The following HSD17B3 variants were observed in gnomAD, a reference collection of about 807,000 sequenced individuals.
The protein encoded by HSD17B3 is hydroxysteroid 17-beta dehydrogenase 3.
In HSD17B3, 29 loss-of-function variants were observed where a neutral mutation model predicts 41.1. The observed-to-expected ratio is 0.71, with a 90% confidence interval of 0.53 to 0.96. The LOEUF (loss-of-function observed/expected upper bound fraction) is 0.96, where lower values mean the gene tolerates loss of function less well. Among genes scored for constraint, HSD17B3 ranks in the 40% least tolerant of loss-of-function variants. The probability of loss-of-function intolerance (pLI) is 0.00; values close to 1 mark genes in which losing one functional copy is unlikely to be tolerated. For synonymous variants in HSD17B3, 126 were observed against 145.6 expected, an observed-to-expected ratio of 0.87 and a Z score of 0.97; for missense variants, 323 against 374.6, an observed-to-expected ratio of 0.86 and a Z score of 1.14.
intron 10 of HSD17B3, among the ~76,000 whole-genome samples, chr9:96,238,920 G>GT (rs991970750): frequency 5.3e-5 from 8 of 152,214 alleles, no homozygotes; most frequent in Admixed American, 2.0e-4. Context: ...GGTGAGACAG[G>GT]TGCTGAGATT....
At chr9:96,249,839 C>T in intron 5 of HSD17B3, 53 bp from the exon 6 acceptor site, 1 of 1,613,614 alleles carries the variant, frequency 6.2e-7, no homozygotes, top group South Asian at 1.1e-5. Flanking sequence ...AGAAATTCTC[C>T]TGGAAAGTAG....
chr9:96,300,738 A>G (rs1827565737), intron 1 of HSD17B3, among the ~76,000 whole-genome samples: 1 of 152,144 alleles, frequency 6.6e-6, no homozygotes, highest in African/African-American at 2.4e-5. Context: ...AACTTCAGTC[A>G]TAGGGCTGAA....
At chr9:96,282,204 C>T (rs1277036527) in intron 2 of HSD17B3, among the ~76,000 whole-genome samples, 2 of 152,140 alleles carry the variant, frequency 1.3e-5, no homozygotes, top group East Asian at 3.9e-4. Flanking sequence ...AGGTTTGATT[C>T]GTGTCTTAGG....
At chr9:96,273,828 C>A (rs1404447982) in intron 2 of HSD17B3, among the ~76,000 whole-genome samples, 3 of 152,192 alleles carry the variant, frequency 2.0e-5, no homozygotes, top group Non-Finnish European at 4.4e-5. Flanking sequence ...GCACCCCACC[C>A]CCAGGGCCAG....
chr9:96,289,592 T>C (rs967536642), intron 2 of HSD17B3, among the ~76,000 whole-genome samples: 4 of 152,188 alleles, frequency 2.6e-5, no homozygotes, highest in African/African-American at 7.2e-5. Flanking sequence ...GCCCAATAAA[T>C]GAAAGTCCAT....
At chr9:96,289,109 TA>T (rs34252191) in intron 2 of HSD17B3, among the ~76,000 whole-genome samples, 1 of 143,626 alleles carries the variant, frequency 7.0e-6, no homozygotes, top group Non-Finnish European at 1.5e-5. Flanking sequence ...ACCCTATCCC[TA>T]AAAAAAAACA....
intron 2 of HSD17B3, among the ~76,000 whole-genome samples, chr9:96,292,592 T>C (rs377017423): frequency 2.0e-5 from 3 of 152,082 alleles, no homozygotes; most frequent in East Asian, 3.9e-4. Flanking sequence ...AGGTGATCCA[T>C]CCGCCTCAGC....
chr9:96,252,856 T>A lies in HSD17B3; in HGVS notation c.332A>T (p.Asp111Val). The A allele has an allele frequency of 6.2e-7, 1 of 1,613,736 alleles. No homozygotes were observed. Among genetic ancestry groups the A allele is most frequent in the Non-Finnish European group, 8.5e-7 (1 of 1,179,652 alleles). ...KIIQADFTKDDIYEHIKEKLA... is the reference protein window; with the variant it reads ...KIIQADFTKDVIYEHIKEKLA... ...TTTTTCTTTAATATGCTCGTAGATG[T>A]CATCTTTTGTAAAATCTGCTTGTAT... Residue 111 changes from aspartate (D) to valine (V), a missense_variant, in exon 4 of 11, where the codon GAC becomes GTC. Physicochemically the swap from Asp to Val is radical, Grantham distance 152. Coordinates refer to ENST00000375263, the MANE Select transcript of HSD17B3 (RefSeq NM_000197.2).
At position 96,292,578 on chromosome 9, in the gene HSD17B3, C is replaced by T. The variant is rs1000987883; in HGVS notation, c.201+5838G>A. ...GGCCAGGGTGGTCTTGAACTCCTGA[C>T]CTCAGGTGATCCATCCGCCTCAGCC... On this transcript the variant is annotated intron_variant, in intron 2 of 10. Transcript: ENST00000375263. 2.6e-5 allele frequency among the ~76,000 whole-genome samples: 4 copies of T among 152,100 alleles called. No individual in the cohort carries two copies. The East Asian group carries it at 5.8e-4, about 22-fold the overall frequency.
chr9:96,238,424 G>A (rs1836308774), intron 10 of HSD17B3, among the ~76,000 whole-genome samples: 2 of 152,066 alleles, frequency 1.3e-5, no homozygotes, highest in African/African-American at 4.8e-5. Flanking sequence ...CACTTTGGGA[G>A]GTCAAGGCAG....
intron 2 of HSD17B3, among the ~76,000 whole-genome samples, chr9:96,264,378 G>C (rs1164713153): frequency 6.6e-6 from 1 of 152,060 alleles, no homozygotes; most frequent in Non-Finnish European, 1.5e-5. Flanking sequence ...ACTTTGTATG[G>C]ATCAATGATA....
intron 2 of HSD17B3, among the ~76,000 whole-genome samples, chr9:96,261,962 C>T (rs141181214): frequency 2.6e-5 from 4 of 152,298 alleles, no homozygotes; most frequent in Non-Finnish European, 4.4e-5. Flanking sequence ...AGGTGACTGG[C>T]ACTGTAACTA....
At chr9:96,283,085 A>C (rs1826766679) in intron 2 of HSD17B3, among the ~76,000 whole-genome samples, 1 of 143,114 alleles carries the variant, frequency 7.0e-6, no homozygotes, top group Admixed American at 7.4e-5. Flanking sequence ...AGCTCACTGC[A>C]ACCTCTGCCT....
At chr9:96,286,752 C>CT (rs1826936368) in intron 2 of HSD17B3, among the ~76,000 whole-genome samples, 1 of 151,836 alleles carries the variant, frequency 6.6e-6, no homozygotes, top group Non-Finnish European at 1.5e-5. Context: ...GTCATCCTCA[C>CT]TGCTACACCC....
intron 6 of HSD17B3, 100 bp downstream of exon 6, chr9:96,249,651 A>G: frequency 9.1e-7 from 1 of 1,101,082 alleles, no homozygotes; most frequent in Non-Finnish European, 1.4e-6. Context: ...TTCGATTTCA[A>G]AGAATCCTGC....
intron 10 of HSD17B3, among the ~76,000 whole-genome samples, chr9:96,240,434 A>T (rs1033912576): frequency 2.0e-5 from 3 of 152,320 alleles, no homozygotes; most frequent in Admixed American, 6.5e-5. Context: ...ATTGACTGGA[A>T]TAGAGGGTCA....
chr9:96,291,817 C>T (rs865782858), intron 2 of HSD17B3, among the ~76,000 whole-genome samples: 15 of 152,030 alleles, frequency 9.9e-5, no homozygotes, highest in African/African-American at 2.7e-4. Context: ...ATTAGCTGGG[C>T]GTGGTGGTGG....
At chr9:96,267,130 G>A (rs1453232447) in intron 2 of HSD17B3, among the ~76,000 whole-genome samples, 1 of 150,674 alleles carries the variant, frequency 6.6e-6, no homozygotes, top group African/African-American at 2.4e-5. Flanking sequence ...GAGCAACTTA[G>A]TGGAACAGCG....
At chr9:96,266,043 G>A (rs1036287266) in intron 2 of HSD17B3, among the ~76,000 whole-genome samples, 7 of 152,182 alleles carry the variant, frequency 4.6e-5, no homozygotes, top group Non-Finnish European at 1.0e-4. Context: ...GAAAAGAAGA[G>A]AGCACACGAA....
Sources: allele counts gnomAD v4.1 joint callset (sites outside exome capture counted in the v4.1 genomes callset), GRCh38; gene constraint gnomAD v4.1.1; transcripts MANE v1.5; gene names NCBI Gene and HGNC (gene_info 2026-07-23, HGNC 2026-07-21).